Variants in EFCAB13 observed in about 807,000 individuals in gnomAD.
The protein encoded by EFCAB13 is EF-hand calcium-binding domain-containing protein 13.
In EFCAB13, 91 loss-of-function variants were observed where a neutral mutation model predicts 110.2. That is an observed-to-expected ratio of 0.83 (90% CI 0.70 to 0.98). The LOEUF (loss-of-function observed/expected upper bound fraction) is 0.98, where lower values mean the gene tolerates loss of function less well. Ranked by LOEUF, EFCAB13 falls within the 50% of genes least tolerant of loss-of-function variation. The pLI, the probability that EFCAB13 is intolerant of heterozygous loss-of-function variation, is 0.00. For missense variants in EFCAB13, 968 were observed against 1,119.4 expected, an observed-to-expected ratio of 0.86 and a Z score of 1.93; for synonymous variants, 323 against 369.9, an observed-to-expected ratio of 0.87 and a Z score of 1.45.
chr17:47,422,657 A>G (rs1904764289), intron 23 of EFCAB13, among the ~76,000 whole-genome samples: 1 of 152,224 alleles, frequency 6.6e-6, no homozygotes, highest in Admixed American at 6.5e-5. Flanking sequence ...CAATGATACA[A>G]AAAAGTAAAC....
At chr17:47,350,633 T>C (rs1692738049) in intron 9 of EFCAB13, among the ~76,000 whole-genome samples, 1 of 152,142 alleles carries the variant, frequency 6.6e-6, no homozygotes. Flanking sequence ...CTCATCTGTT[T>C]TCTTCTTCAT....
At chr17:47,333,154 C>T (rs935609001) in intron 4 of EFCAB13, among the ~76,000 whole-genome samples, 10 of 152,306 alleles carry the variant, frequency 6.6e-5, no homozygotes, top group Middle Eastern at 3.4e-3. Context: ...GATGATATCT[C>T]ATTGCAATTT....
chr17:47,405,946 A>G (rs751521119), intron 20 of EFCAB13, among the ~76,000 whole-genome samples: 25 of 151,984 alleles, frequency 1.6e-4, no homozygotes, highest in Admixed American at 4.6e-4. Context: ...AACATGTTTA[A>G]GGCAGTCAAT....
chr17:47,349,759 C>CTTT (rs1162133822), intron 9 of EFCAB13, among the ~76,000 whole-genome samples: 7 of 76,140 alleles, frequency 9.2e-5, no homozygotes, highest in South Asian at 4.7e-4. Context: ...GCTGATGTTT[C>CTTT]TTTTTTTTTT....
chr17:47,417,787 CAGG>C lies in EFCAB13; in HGVS notation c.2494+2871_2494+2873del, dbSNP rs577177314. On this transcript the variant is annotated intron_variant, in intron 23 of 24. Transcript: ENST00000331493. ...AACATCTGGACACAGCTTTCTCCAG[CAGG>C]AGTTTATTGTTTGGGGCTTGATGTG... Among the ~76,000 whole-genome samples, 231 of 152,282 alleles carry C rather than the reference CAGG, an allele frequency of 1.5e-3. 1 individual carries two copies. The highest frequency in any genetic ancestry group is 5.2e-3 in the African/African-American group (218 of 41,570).
intron 15 of EFCAB13, 21 bp downstream of exon 15, chr17:47,391,601 C>A (rs202150792): frequency 6.5e-7 from 1 of 1,544,658 alleles, no homozygotes; most frequent in African/African-American, 1.4e-5. Context: ...TATTTTCAGG[C>A]AAACTGCATT....
At chr17:47,333,900 A>G (rs1277564912) in intron 4 of EFCAB13, among the ~76,000 whole-genome samples, 1 of 152,200 alleles carries the variant, frequency 6.6e-6, no homozygotes, top group Non-Finnish European at 1.5e-5. Flanking sequence ...CTTTTTGCTT[A>G]AGATTGCTTT....
At position 47,326,744 on chromosome 17, in the gene EFCAB13, G is replaced by A. The variant is rs115289323; in HGVS notation, c.-86+357G>A. ...AGATCTAGAAGAGATTACGTAGGAT[G>A]GGTTACTGGGGAGACCTGCATAGAT... On this transcript the variant is annotated intron_variant, in intron 3 of 24. Coordinates refer to ENST00000331493, the MANE Select transcript of EFCAB13 (RefSeq NM_152347.5). 5.4e-3 allele frequency among the ~76,000 whole-genome samples: 824 copies of A among 152,308 alleles called. 11 individuals carry two copies. The highest frequency in any genetic ancestry group is 0.018 in the African/African-American group (762 of 41,564).
Position 47,394,074 on chromosome 17 carries a change from C to A in EFCAB13, c.1776C>A (p.Asn592Lys). 2 of 1,540,104 alleles carry A rather than the reference C, an allele frequency of 1.3e-6. No homozygotes were observed. Among genetic ancestry groups the A allele is most frequent in the South Asian group, 1.3e-5 (1 of 75,904 alleles). ...FKEFIDTMMS[N>K]TECFSEKLVL... Reference sequence around the variant, plus strand: ...AATTCATTGATACTATGATGAGCAACACGGAATGCTTCTCTGAAAAATTAG... The same window carrying A: ...AATTCATTGATACTATGATGAGCAAAACGGAATGCTTCTCTGAAAAATTAG... Residue 592 changes from asparagine (N) to lysine (K), a missense_variant, in exon 16 of 25, where the codon AAC becomes AAA. Transcript: ENST00000331493.
chr17:47,382,593 T>C (rs927632397), intron 14 of EFCAB13, among the ~76,000 whole-genome samples: 1 of 152,202 alleles, frequency 6.6e-6, no homozygotes, highest in African/African-American at 2.4e-5. Flanking sequence ...TTGAAGGCTT[T>C]TTCTGCATCT....
intron 9 of EFCAB13, among the ~76,000 whole-genome samples, chr17:47,352,705 T>C (rs903339513): frequency 1.3e-5 from 2 of 152,210 alleles, no homozygotes; most frequent in Non-Finnish European, 2.9e-5. Context: ...ATTAAGTTTT[T>C]GATCCATGAG....
intron 5 of EFCAB13, among the ~76,000 whole-genome samples, chr17:47,337,387 T>A (rs2065357443): frequency 6.6e-6 from 1 of 152,050 alleles, no homozygotes. Context: ...GGGGTGAGGG[T>A]TGAATTTGGT....
chr17:47,378,612 T>A (rs1474376317), intron 13 of EFCAB13, among the ~76,000 whole-genome samples: 1 of 152,132 alleles, frequency 6.6e-6, no homozygotes, highest in Non-Finnish European at 1.5e-5. Flanking sequence ...AAAGAGTGGG[T>A]GGCACTAAAA....
intron 14 of EFCAB13, among the ~76,000 whole-genome samples, chr17:47,387,363 A>T (rs1289615865): frequency 6.6e-6 from 1 of 151,660 alleles, no homozygotes; most frequent in East Asian, 1.9e-4. Flanking sequence ...TTCTTTGTTG[A>T]TTTTCTTTCT....
chr17:47,382,531 A>G (rs1598742828), intron 14 of EFCAB13, among the ~76,000 whole-genome samples: 1 of 152,280 alleles, frequency 6.6e-6, no homozygotes, highest in East Asian at 1.9e-4. Context: ...TATGTGTTCC[A>G]TCAATACCTA....
At chr17:47,394,677 CAT>C (rs2065727674) in intron 16 of EFCAB13, among the ~76,000 whole-genome samples, 1 of 152,090 alleles carries the variant, frequency 6.6e-6, no homozygotes, top group African/African-American at 2.4e-5. Context: ...CTGAAAGTAA[CAT>C]CGTATTATTT....
At chr17:47,366,317 T>C (rs946074356) in intron 10 of EFCAB13, among the ~76,000 whole-genome samples, 1 of 151,606 alleles carries the variant, frequency 6.6e-6, no homozygotes, top group South Asian at 2.1e-4. Context: ...TATAGCAGTT[T>C]TTTTTTTTTT....
intron 13 of EFCAB13, among the ~76,000 whole-genome samples, chr17:47,378,715 C>G (rs2065630037): frequency 6.6e-6 from 1 of 152,008 alleles, no homozygotes; most frequent in South Asian, 2.1e-4. Flanking sequence ...CACATGGATA[C>G]TAGGGAGATA....
rs182721970 is a variant in EFCAB13, at chr17:47,353,299, T to A, written c.661+5348T>A. Among the ~76,000 whole-genome samples the A allele has an allele frequency of 8.4e-4, 127 of 151,904 alleles. 1 individual carries two copies. Among genetic ancestry groups the A allele is most frequent in the Admixed American group, 3.4e-3 (52 of 15,278 alleles). Reference sequence around the variant, plus strand: ...TATATTTATTTATTTATTTATTATTTTTTTTTATTTTTTGAGATGGAGTCT... The same window carrying A: ...TATATTTATTTATTTATTTATTATTATTTTTTATTTTTTGAGATGGAGTCT... On this transcript the variant is annotated intron_variant, in intron 9 of 24. Transcript: ENST00000331493.
Sources: gnomAD v4.1 joint callset for allele counts (sites outside exome capture counted in the v4.1 genomes callset) on GRCh38, gnomAD v4.1.1 for gene constraint, MANE v1.5 for transcripts, NCBI Gene and HGNC (gene_info 2026-07-23, HGNC 2026-07-21) for gene names.